LRP1: variants seen among roughly 807,000 people sequenced by gnomAD.
LRP1 encodes prolow-density lipoprotein receptor-related protein 1.
A neutral mutation model predicts 541.5 loss-of-function variants in LRP1; 51 were observed. That is an observed-to-expected ratio of 0.09 (90% confidence interval 0.08 to 0.12). The LOEUF (loss-of-function observed/expected upper bound fraction) is 0.12. LRP1 is among the 10% of genes least tolerant of loss of function. LRP1 has a pLI of 1.00. For missense variants in LRP1, 3,878 were observed against 6,376.2 expected (o/e 0.61, Z 13.34); for synonymous variants, 2,219 against 2,470.8 (o/e 0.90, Z 3.02).
At chr12:57,180,510 G>A (rs200070455) in intron 32 of LRP1, 31 bp downstream of exon 32, 191 of 1,612,942 alleles carry the variant, frequency 1.2e-4, no homozygotes, top group East Asian at 4.2e-4. Context: ...CAGAGATGAC[G>A]CAGAGCAGGC....
chr12:57,130,814 C>G (rs111946923), intron 1 of LRP1, among the ~76,000 whole-genome samples: 5 of 152,086 alleles, frequency 3.3e-5, no homozygotes, highest in Non-Finnish European at 5.9e-5. Context: ...GACATGTTCT[C>G]CTTAACTATC....
rs903954753 is a variant in LRP1, at chr12:57,202,532, G to A, written c.10706G>A (p.Ser3569Asn). Residue 3569 changes from serine to asparagine, a missense_variant, in exon 68 of 89, where the codon AGC becomes AAC. Ser to Asn is a conservative substitution (Grantham distance 46). Coordinates refer to ENST00000243077, the MANE Select transcript of LRP1 (RefSeq NM_002332.3). ...NDCGDNSDEE[S>N]CTPRPCSESE... is the part of the protein sequence containing the mutation. ...TGCGGTGACAACTCCGATGAAGAGA[G>A]CTGCAGTACGTCCCCACCCACCCAG... 3 of 1,593,546 alleles carry A rather than the reference G, an allele frequency of 1.9e-6. No individual in the cohort carries two copies. Among genetic ancestry groups the A allele is most frequent in the Non-Finnish European group, 2.6e-6 (3 of 1,170,440 alleles).
Position 57,208,756 on chromosome 12 carries a change from G to C in LRP1, c.12084G>C (p.Thr4028=). The change falls in exon 78 of 89, where the codon ACG becomes ACC. Residue 4028 remains threonine (T), a synonymous_variant. Coordinates refer to ENST00000243077, the MANE Select transcript of LRP1 (RefSeq NM_002332.3). ...SDWGNHPKIE[T]AAMDGTLRET... Reference sequence around the variant, plus strand: ...GGGGCAACCACCCCAAGATTGAGACGGCAGCGATGGATGGGACGCTTCGGG... The same window carrying C: ...GGGGCAACCACCCCAAGATTGAGACCGCAGCGATGGATGGGACGCTTCGGG... The C allele has an allele frequency of 6.2e-7, 1 of 1,614,082 alleles. No individual in the cohort carries two copies. Among genetic ancestry groups the C allele is most frequent in the Non-Finnish European group, 8.5e-7 (1 of 1,180,004 alleles).
At position 57,184,318 on chromosome 12, in the gene LRP1, C is replaced by T. The variant is rs1156899170; in HGVS notation, c.6060-8C>T. 6.2e-7 allele frequency: 1 copy of T among 1,614,240 alleles called. No homozygotes were observed. The highest frequency in any genetic ancestry group is 1.1e-5 in the South Asian group (1 of 91,084). ...GGACTGACCCCCACTTCCACCCCCACCCTACAGGTACTTGTTCTGGACTGA... is the reference window on the plus strand; with the variant it reads ...GGACTGACCCCCACTTCCACCCCCATCCTACAGGTACTTGTTCTGGACTGA... On this transcript the variant is annotated splice_region_variant and splice_polypyrimidine_tract_variant and intron_variant, in intron 37 of 88. Coordinates refer to ENST00000243077, the MANE Select transcript of LRP1 (RefSeq NM_002332.3). The surrounding 1 kb of genome is among the most constrained non-coding windows in gnomAD (Gnocchi z 7.8).
chr12:57,199,432 G>C lies in LRP1; in HGVS notation c.9865+32G>C, dbSNP rs374808884. 5.9e-5 allele frequency: 94 copies of C among 1,594,394 alleles called. No homozygotes were observed. The African/African-American group carries it at 1.0e-3, about 17-fold the overall frequency. On this transcript the variant is annotated intron_variant, in intron 61 of 88. Coordinates refer to ENST00000243077, the MANE Select transcript of LRP1 (RefSeq NM_002332.3). ...AGGCAAGGGGTGGGAGCAGGCGAAC[G>C]GTGAGCCAGGCACCGGGGTCCCTGG...
chr12:57,178,660 T>C lies in LRP1; in HGVS notation c.4606+57T>C, dbSNP rs2036098825. On this transcript the variant is annotated intron_variant, in intron 27 of 88. Transcript: ENST00000243077. This position sits in a 1 kb window ranked among gnomAD's most constrained non-coding sequence, Gnocchi z 5.8. Reference sequence around the variant, plus strand: ...GGGAGCCAGCAGCCTCTTTAGAAGCTGTAGAAGCTCTTAGGAGAGGAGAGG... The same window carrying C: ...GGGAGCCAGCAGCCTCTTTAGAAGCCGTAGAAGCTCTTAGGAGAGGAGAGG... The C allele has an allele frequency of 6.2e-7, 1 of 1,609,308 alleles. No individual in the cohort carries two copies. The highest frequency in any genetic ancestry group is 2.2e-5 in the East Asian group (1 of 44,814).
Position 57,211,692 on chromosome 12 carries a change from C to T in LRP1, c.13194-58C>T, listed in dbSNP as rs2036921163. 6.9e-7 allele frequency: 1 copy of T among 1,443,332 alleles called. No homozygotes were observed. Among genetic ancestry groups the T allele is most frequent in the Non-Finnish European group, 9.7e-7 (1 of 1,027,020 alleles). The allele number at this position is 1,443,332 out of a possible 1,614,324, so 89.4% of individuals were successfully genotyped here. ...CAGTGCCCACCCCCCGCCCTGTTTT[C>T]CTGGCAGCAGTGGCTATGGAGGTTA... On this transcript the variant is annotated intron_variant, in intron 85 of 88. Coordinates refer to ENST00000243077, the MANE Select transcript of LRP1 (RefSeq NM_002332.3). This position sits in a 1 kb window ranked among gnomAD's most constrained non-coding sequence, Gnocchi z 4.3.
chr12:57,191,935 C>CACACT (rs1555186182), intron 44 of LRP1, among the ~76,000 whole-genome samples: 1,152 of 4,402 alleles, frequency 0.26, 51 homozygotes, highest in Non-Finnish European at 0.27. Context: ...ACATACCACA[C>CACACT]ACACACCACA....
Position 57,207,197 on chromosome 12 carries a change from C to A in LRP1, c.11859+456C>A, listed in dbSNP as rs561498303. On this transcript the variant is annotated intron_variant, in intron 76 of 88. Coordinates refer to ENST00000243077, the MANE Select transcript of LRP1 (RefSeq NM_002332.3). Reference sequence around the variant, plus strand: ...GGCGGAGCTTGCAGTGAGCCGAGATCGCGCCACTGCACTCCAGCCTGGGCG... The same window carrying A: ...GGCGGAGCTTGCAGTGAGCCGAGATAGCGCCACTGCACTCCAGCCTGGGCG... Among the ~76,000 whole-genome samples the A allele has an allele frequency of 1.1e-4, 17 of 150,874 alleles. No individual in the cohort carries two copies. In the East Asian group the frequency reaches 2.5e-3, roughly 22 times the overall value.
intron 19 of LRP1, among the ~76,000 whole-genome samples, chr12:57,168,695 G>C (rs2035886088): frequency 6.6e-6 from 1 of 152,008 alleles, no homozygotes; most frequent in Non-Finnish European, 1.5e-5. Context: ...TGTAAGCCAG[G>C]CACCCAGAGC....
In LRP1 at chr12:57,195,357, G is replaced by A; in HGVS notation, c.8395G>A (p.Asp2799Asn). The stretch of plus-strand genomic sequence containing the variant: ...GCGCTGGCTCTGTGACGGTGACAAA[G>A]ACTGTGCTGATGGTGCAGACGAGAG... ...PERWLCDGDK[D>N]CADGADESIA... Residue 2799 changes from aspartate to asparagine, a missense_variant, in exon 52 of 89, where the codon GAC becomes AAC. Physicochemically the swap from Asp to Asn is conservative, Grantham distance 23. This residue lies in a region of LRP1 where 1,100 missense variants were observed against 1,827.4 expected (regional missense o/e 0.60). Transcript: ENST00000243077. The A allele has an allele frequency of 1.2e-6, 2 of 1,611,448 alleles. No homozygotes were observed. Among genetic ancestry groups the A allele is most frequent in the Non-Finnish European group, 1.7e-6 (2 of 1,180,020 alleles).
chr12:57,191,805 T>TAC, intron 44 of LRP1, among the ~76,000 whole-genome samples: 2 of 42,676 alleles, frequency 4.7e-5, no homozygotes, highest in East Asian at 7.8e-4. Flanking sequence ...ACATATCACA[T>TAC]GCACACCCCA....
intron 19 of LRP1, among the ~76,000 whole-genome samples, 184 bp downstream of exon 19, chr12:57,167,708 C>G (rs145691086): frequency 1.7e-3 from 257 of 152,318 alleles, no homozygotes; most frequent in African/African-American, 6.0e-3. Context: ...CACGATGGAC[C>G]AAGGGGAGAC....
Position 57,184,212 on chromosome 12 carries a change from A to G in LRP1, c.6057A>G (p.Lys2019=), listed in dbSNP as rs1449646590. The G allele has an allele frequency of 6.2e-7, 1 of 1,613,690 alleles. No homozygotes were observed. ...KPRAITVHPE[K]GYLFWTEWGQ... is the part of the protein sequence containing the mutation. Reference sequence around the variant, plus strand: ...GGGCCATCACCGTCCACCCGGAGAAAGGGTGAGGAGCTGGAAAGACTGGCC... The same window carrying G: ...GGGCCATCACCGTCCACCCGGAGAAGGGGTGAGGAGCTGGAAAGACTGGCC... Residue 2019 remains lysine (K), a splice_region_variant and synonymous_variant, in exon 37 of 89, where the codon AAA becomes AAG. Transcript: ENST00000243077. This position sits in a 1 kb window ranked among gnomAD's most constrained non-coding sequence, Gnocchi z 7.8.
At chr12:57,153,911 T>TAA (rs79297731) in intron 6 of LRP1, among the ~76,000 whole-genome samples, 11 of 139,906 alleles carry the variant, frequency 7.9e-5, no homozygotes, top group Non-Finnish European at 1.1e-4. Context: ...AAAGCAAAGT[T>TAA]AAAAAAAAAA....
At chr12:57,133,381 A>T (rs1186617134) in intron 1 of LRP1, among the ~76,000 whole-genome samples, 1 of 152,018 alleles carries the variant, frequency 6.6e-6, no homozygotes, top group South Asian at 2.1e-4. Context: ...ATGGAAGCGG[A>T]GACCCTTCCC....
chr12:57,199,092 C>A, intron 60 of LRP1, 120 bp from the exon 61 acceptor site: 1 of 896,060 alleles, frequency 1.1e-6, no homozygotes, highest in African/African-American at 1.6e-5. Flanking sequence ...CATGAACCAT[C>A]TGTAACTGGG....
chr12:57,140,338 G>A (rs956556100), intron 2 of LRP1, among the ~76,000 whole-genome samples: 1 of 152,152 alleles, frequency 6.6e-6, no homozygotes. Context: ...TGTATTGCAA[G>A]CCACATGTGC....
chr12:57,181,093 C>A, intron 33 of LRP1, 64 bp from the exon 34 acceptor site: 1 of 1,575,972 alleles, frequency 6.3e-7, no homozygotes, highest in Non-Finnish European at 8.6e-7. Flanking sequence ...GCAGCCCAAG[C>A]CTGACCCTGA....
Sources: gnomAD v4.1 joint callset for allele counts (sites outside exome capture counted in the v4.1 genomes callset) on GRCh38, gnomAD v4.1.1 for gene constraint, gnomAD v4.1.1 regional missense constraint, Gnocchi (gnomAD v3.1) non-coding constraint, MANE v1.5 for transcripts, NCBI Gene and HGNC (gene_info 2026-07-23, HGNC 2026-07-21) for gene names.